TTC39B: variants seen among roughly 807,000 people sequenced by gnomAD.
The protein encoded by TTC39B is tetratricopeptide repeat domain 39B, also known as tetratricopeptide repeat protein 39B.
TTC39B carries 92 observed loss-of-function variants against 96.6 expected under a neutral mutation model. The observed-to-expected ratio is 0.95, with a 90% confidence interval of 0.80 to 1.13. The LOEUF (loss-of-function observed/expected upper bound fraction) is 1.13, where lower values mean the gene tolerates loss of function less well. Ranked by LOEUF, TTC39B falls within the 50% of genes most tolerant of loss-of-function variation. The pLI is 0.00. For missense variants in TTC39B, 955 were observed against 809.3 expected, an observed-to-expected ratio of 1.18 and a Z score of -2.18; for synonymous variants, 367 against 299.4, an observed-to-expected ratio of 1.23 and a Z score of -2.33.
intron 1 of TTC39B, among the ~76,000 whole-genome samples, chr9:15,298,094 G>A (rs1824446016): frequency 6.6e-6 from 1 of 152,150 alleles, no homozygotes; most frequent in Non-Finnish European, 1.5e-5. Flanking sequence ...AGCCAAATTT[G>A]CTTTTTCCCT....
At chr9:15,177,583 A>T in intron 18 of TTC39B, 114 bp downstream of exon 18, 1 of 676,628 alleles carries the variant, frequency 1.5e-6, no homozygotes, top group Non-Finnish European at 2.5e-6. Flanking sequence ...TCTTTCTGGT[A>T]ACACCAAGTA....
At chr9:15,202,259 T>C (rs1040568810) in intron 7 of TTC39B, among the ~76,000 whole-genome samples, 2 of 152,226 alleles carry the variant, frequency 1.3e-5, no homozygotes, top group African/African-American at 2.4e-5. Flanking sequence ...ATCATTATGA[T>C]GCTTACTGAG....
chr9:15,254,755 T>C (rs1822686134), intron 2 of TTC39B, among the ~76,000 whole-genome samples: 1 of 152,032 alleles, frequency 6.6e-6, no homozygotes, highest in Admixed American at 6.6e-5. Context: ...ATAACTTCTT[T>C]CAAATTAAGC....
chr9:15,179,240 A>G (rs1462153927), intron 17 of TTC39B, among the ~76,000 whole-genome samples: 1 of 152,208 alleles, frequency 6.6e-6, no homozygotes, highest in Non-Finnish European at 1.5e-5. Flanking sequence ...CAGAACGACA[A>G]TTTACACATT....
intron 1 of TTC39B, among the ~76,000 whole-genome samples, chr9:15,268,369 C>A (rs1336183488): frequency 6.6e-6 from 1 of 152,076 alleles, no homozygotes; most frequent in Non-Finnish European, 1.5e-5. Flanking sequence ...ATTGCACCAC[C>A]CTCTCAGCTC....
At chr9:15,166,403 G>T (rs1817518024) in exon 20 of TTC39B, 1 of 152,152 alleles carries the variant, frequency 6.6e-6, no homozygotes, top group African/African-American at 2.4e-5. Context: ...TATCTCCTCT[G>T]GATAATTCAG....
chr9:15,224,825 A>G lies in TTC39B; in HGVS notation c.371+1092T>C, dbSNP rs538352867. Among the ~76,000 whole-genome samples, 6 of 152,306 alleles carry G rather than the reference A, an allele frequency of 3.9e-5. No homozygotes were observed. In the East Asian group the frequency reaches 1.2e-3, roughly 29 times the overall value. Reference sequence around the variant, plus strand: ...GGATATGGAAAACAAATGCCTTAAGATCCTTAGAAGTTATTTTCACTTTAT... The same window carrying G: ...GGATATGGAAAACAAATGCCTTAAGGTCCTTAGAAGTTATTTTCACTTTAT... On this transcript the variant is annotated intron_variant, in intron 3 of 19. Transcript: ENST00000512701.
At chr9:15,237,638 T>C (rs1821845395) in intron 2 of TTC39B, among the ~76,000 whole-genome samples, 2 of 134,662 alleles carry the variant, frequency 1.5e-5, no homozygotes, top group African/African-American at 6.0e-5. Context: ...ATTAAACTAG[T>C]AATAAAAAAT....
At chr9:15,291,440 C>T (rs923634678) in intron 1 of TTC39B, among the ~76,000 whole-genome samples, 13 of 152,200 alleles carry the variant, frequency 8.5e-5, no homozygotes, top group African/African-American at 2.9e-4. Context: ...ATGGTGAGGC[C>T]TCCCCAGCCA....
chr9:15,304,045 T>C (rs1330169445), intron 1 of TTC39B, among the ~76,000 whole-genome samples: 1 of 152,264 alleles, frequency 6.6e-6, no homozygotes, highest in Non-Finnish European at 1.5e-5. Context: ...ATAATCTTAA[T>C]TGAATTAAAT....
At chr9:15,284,124 G>C (rs1823869257) in intron 1 of TTC39B, among the ~76,000 whole-genome samples, 1 of 152,188 alleles carries the variant, frequency 6.6e-6, no homozygotes, top group South Asian at 2.1e-4. Flanking sequence ...AAGGACAAAA[G>C]ATAAAGGGTG....
chr9:15,183,818 C>A (rs887549657), intron 16 of TTC39B, among the ~76,000 whole-genome samples: 2 of 152,134 alleles, frequency 1.3e-5, no homozygotes, highest in Non-Finnish European at 2.9e-5. Flanking sequence ...ACACAGTGTT[C>A]TTGTTTTTAT....
intron 10 of TTC39B, among the ~76,000 whole-genome samples, chr9:15,190,915 T>C (rs954694002): frequency 3.3e-5 from 5 of 151,614 alleles, no homozygotes; most frequent in Non-Finnish European, 5.9e-5. Flanking sequence ...GGAAACCACG[T>C]GAGAGTAATA....
intron 2 of TTC39B, chr9:15,232,501 T>C (rs559455723): frequency 6.6e-6 from 1 of 152,334 alleles, no homozygotes; most frequent in African/African-American, 2.4e-5. Flanking sequence ...AGGGTCACAC[T>C]AGCTGTCTAG....
At chr9:15,283,945 C>A (rs1005739705) in intron 1 of TTC39B, among the ~76,000 whole-genome samples, 3 of 151,556 alleles carry the variant, frequency 2.0e-5, no homozygotes, top group African/African-American at 7.3e-5. Flanking sequence ...ACACAAAGAC[C>A]AGAAGCCTTA....
At chr9:15,200,488 A>C (rs569909785) in intron 7 of TTC39B, among the ~76,000 whole-genome samples, 2 of 152,364 alleles carry the variant, frequency 1.3e-5, no homozygotes, top group South Asian at 2.1e-4. Context: ...TAGGAAAACA[A>C]CACCACTTCA....
At chr9:15,172,336 T>C (rs890183567) in intron 19 of TTC39B, among the ~76,000 whole-genome samples, 1 of 152,242 alleles carries the variant, frequency 6.6e-6, no homozygotes, top group Non-Finnish European at 1.5e-5. Flanking sequence ...GGTCATACTT[T>C]GAGTAGCAAG....
At chr9:15,183,693 T>C (rs1426241310) in intron 16 of TTC39B, among the ~76,000 whole-genome samples, 1 of 152,170 alleles carries the variant, frequency 6.6e-6, no homozygotes, top group Middle Eastern at 3.2e-3. Flanking sequence ...ACCTTCCCAG[T>C]GCAAATCACT....
rs1371914951 is a variant in TTC39B at position 15,306,193 on chromosome 9, C to A, written c.240+891G>T. 1.3e-5 allele frequency among the ~76,000 whole-genome samples: 2 copies of A among 152,224 alleles called. No individual in the cohort carries two copies. The highest frequency in any genetic ancestry group is 4.8e-5 in the African/African-American group (2 of 41,456). On this transcript the variant is annotated intron_variant, in intron 1 of 19. Coordinates refer to ENST00000512701, the Ensembl canonical transcript of TTC39B. This position sits in a 1 kb window ranked among gnomAD's most constrained non-coding sequence, Gnocchi z 5.1. ...AAGTCAGGTAAGATGGCAGGAACAGCAGCTGTGGGTGCTGGCTGCTGCTGG... is the reference window on the plus strand; with the variant it reads ...AAGTCAGGTAAGATGGCAGGAACAGAAGCTGTGGGTGCTGGCTGCTGCTGG...
Sources: gnomAD v4.1 joint callset for allele counts (sites outside exome capture counted in the v4.1 genomes callset) on GRCh38, gnomAD v4.1.1 for gene constraint, Gnocchi (gnomAD v3.1) non-coding constraint, MANE v1.5 for transcripts, NCBI Gene and HGNC (gene_info 2026-07-23, HGNC 2026-07-21) for gene names.